The following USH2A variants were observed in gnomAD, a reference collection of about 807,000 sequenced individuals.
USH2A encodes the protein usherin.
Under a neutral mutation model 538.9 loss-of-function variants are expected in USH2A, and 443 were observed. The observed-to-expected ratio is 0.82, with a 90% CI of 0.76 to 0.89. USH2A has a LOEUF of 0.89. USH2A is among the 40% of genes least tolerant of loss of function. The pLI, the probability that USH2A is intolerant of heterozygous loss-of-function variation, is 0.00. For missense variants in USH2A, 6,633 were observed against 6,324.8 expected (o/e 1.05, Z -1.65); for synonymous variants, 2,413 against 2,273.5 (o/e 1.06, Z -1.75).
intron 3 of USH2A, among the ~76,000 whole-genome samples, chr1:216,380,044 T>G (rs986463747): frequency 6.6e-6 from 1 of 152,212 alleles, no homozygotes; most frequent in Admixed American, 6.5e-5. Context: ...TGGATACTTA[T>G]TGACTTAAGG....
intron 64 of USH2A, among the ~76,000 whole-genome samples, chr1:215,658,253 C>CT (rs375162910): frequency 0.013 from 1,926 of 146,554 alleles, 51 homozygotes; most frequent in African/African-American, 0.043. Flanking sequence ...TTATCACATA[C>CT]TTTTTTTTTT....
rs138064171 is a variant in USH2A, at chr1:216,078,294, T to C, written c.5367A>G (p.Leu1789=). 460 of 1,613,686 alleles carry C rather than the reference T, an allele frequency of 2.9e-4. No individual in the cohort carries two copies. The highest frequency in any genetic ancestry group is 3.6e-4 in the Non-Finnish European group (427 of 1,179,628). Residue 1789 remains leucine, a synonymous_variant, in exon 27 of 72, where the codon CTA becomes CTG. Transcript: ENST00000307340. ...NTSLAFTQVD[L]LLGLSYCNGK... ...CATTACAATAGGATAGCCCCAGCAA[T>C]AGATCCACTTGTGTAAAGGCAAGAC...
At chr1:216,176,249 G>A (rs1193894860) in intron 20 of USH2A, among the ~76,000 whole-genome samples, 1 of 151,772 alleles carries the variant, frequency 6.6e-6, no homozygotes, top group African/African-American at 2.4e-5. Context: ...TTTAGAGATG[G>A]AGTCTCACAT....
At chr1:216,133,055 G>A (rs1307615276) in intron 21 of USH2A, among the ~76,000 whole-genome samples, 1 of 152,044 alleles carries the variant, frequency 6.6e-6, no homozygotes, top group African/African-American at 2.4e-5. Flanking sequence ...GTGGGGTTGG[G>A]AAGGGAGAAC....
At chr1:216,008,406 C>G (rs924436044) in intron 32 of USH2A, among the ~76,000 whole-genome samples, 2 of 151,846 alleles carry the variant, frequency 1.3e-5, no homozygotes, top group Admixed American at 1.3e-4. Flanking sequence ...TTTTCCTTTA[C>G]CTACCCAAAT....
chr1:215,941,451 AT>A (rs377480983), intron 37 of USH2A, among the ~76,000 whole-genome samples: 53 of 151,692 alleles, frequency 3.5e-4, no homozygotes, highest in Non-Finnish European at 6.5e-4. Context: ...ACTTTGACTT[AT>A]TTTTTTTGCC....
chr1:215,629,977 G>T (rs915661775), intron 70 of USH2A: 5 of 405,260 alleles, frequency 1.2e-5, no homozygotes, highest in East Asian at 1.2e-4. Flanking sequence ...GGGTTTCACC[G>T]TGTTAGCCAG....
At chr1:216,192,370 A>C (rs1363093113) in intron 19 of USH2A, among the ~76,000 whole-genome samples, 1 of 152,050 alleles carries the variant, frequency 6.6e-6, no homozygotes, top group Non-Finnish European at 1.5e-5. Context: ...TGAACAGAGA[A>C]TATTTGCACA....
intron 11 of USH2A, among the ~76,000 whole-genome samples, chr1:216,288,098 G>C (rs2102604597): frequency 1.3e-5 from 2 of 152,082 alleles, no homozygotes; most frequent in Non-Finnish European, 2.9e-5. Context: ...GGTCAGCAAA[G>C]ATATCTCAAA....
chr1:215,669,071 A>AAT, intron 64 of USH2A, among the ~76,000 whole-genome samples: 1 of 152,196 alleles, frequency 6.6e-6, no homozygotes, highest in Middle Eastern at 3.4e-3. Flanking sequence ...ACAAACAAAA[A>AAT]CTGGAATGAG....
intron 50 of USH2A, among the ~76,000 whole-genome samples, chr1:215,792,289 C>G (rs1662004120): frequency 6.6e-6 from 1 of 152,172 alleles, no homozygotes; most frequent in Non-Finnish European, 1.5e-5. Flanking sequence ...AAGATGCCTT[C>G]TTTCACAAAG....
intron 61 of USH2A, among the ~76,000 whole-genome samples, chr1:215,708,709 C>T (rs1174482050): frequency 6.6e-6 from 1 of 152,144 alleles, no homozygotes; most frequent in Non-Finnish European, 1.5e-5. Context: ...CAGATCTGTG[C>T]TCCACTCCTC....
intron 21 of USH2A, among the ~76,000 whole-genome samples, chr1:216,099,938 T>C (rs1476533564): frequency 6.6e-6 from 1 of 151,948 alleles, no homozygotes; most frequent in African/African-American, 2.4e-5. Flanking sequence ...CAATCACCTA[T>C]CAAAAGCCAT....
intron 46 of USH2A, among the ~76,000 whole-genome samples, chr1:215,838,356 T>A (rs1663587256): frequency 1.3e-5 from 2 of 152,148 alleles, no homozygotes; most frequent in South Asian, 4.1e-4. Flanking sequence ...TTGCAACTAT[T>A]CACAAAGAGA....
intron 38 of USH2A, among the ~76,000 whole-genome samples, chr1:215,917,733 C>T (rs1226013961): frequency 6.9e-6 from 1 of 144,104 alleles, no homozygotes; most frequent in Non-Finnish European, 1.5e-5. Flanking sequence ...TGCTTGAGCC[C>T]GGGAGTTTGA....
At chr1:215,851,447 A>G (rs950199169) in intron 44 of USH2A, among the ~76,000 whole-genome samples, 4 of 152,052 alleles carry the variant, frequency 2.6e-5, no homozygotes, top group Non-Finnish European at 5.9e-5. Flanking sequence ...TAGAAAACCT[A>G]GATAAACTCC....
intron 9 of USH2A, among the ~76,000 whole-genome samples, chr1:216,315,721 A>G (rs1158437428): frequency 1.3e-5 from 2 of 152,316 alleles, no homozygotes. Context: ...ATATAAATCT[A>G]TAATTATCTC....
In USH2A at chr1:215,713,293, C is replaced by T. The variant is rs143923541; in HGVS notation, c.12066+14737G>A. On this transcript the variant is annotated intron_variant, in intron 61 of 71. Transcript: ENST00000307340. ...TGCGACTCTAAGAGGTGCTGCCTCT[C>T]TGCGGGAGGCACTATTAGGCATAAC... Among the ~76,000 whole-genome samples the T allele has an allele frequency of 1.6e-4, 25 of 152,304 alleles. 1 individual carries two copies. The East Asian group carries it at 4.1e-3, about 25-fold the overall frequency.
chr1:215,783,227 T>C (rs1487674479), intron 52 of USH2A, among the ~76,000 whole-genome samples: 6 of 152,180 alleles, frequency 3.9e-5, no homozygotes, highest in African/African-American at 1.2e-4. Flanking sequence ...TCATGTATAA[T>C]AAGATTTAGT....
Sources: allele counts gnomAD v4.1 joint callset (sites outside exome capture counted in the v4.1 genomes callset), GRCh38; gene constraint gnomAD v4.1.1; transcripts MANE v1.5; gene names NCBI Gene and HGNC (gene_info 2026-07-23, HGNC 2026-07-21).